Variants in DTNBP1 observed in about 807,000 individuals in gnomAD.
DTNBP1 encodes dysbindin.
In DTNBP1, 35 loss-of-function variants were observed where a neutral mutation model predicts 42.8. The ratio of observed to expected loss-of-function variants is 0.82; its 90% CI spans 0.63 to 1.09. The LOEUF is 1.09. Among genes scored for constraint, DTNBP1 ranks in the 50% least tolerant of loss-of-function variants. The probability of loss-of-function intolerance (pLI) is 0.00; values close to 1 mark genes in which losing one functional copy is unlikely to be tolerated. For missense variants in DTNBP1, 457 were observed against 424.2 expected, an observed-to-expected ratio of 1.08 and a Z score of -0.68; for synonymous variants, 171 against 162.2, an observed-to-expected ratio of 1.05 and a Z score of -0.41.
intron 7 of DTNBP1, among the ~76,000 whole-genome samples, chr6:15,540,467 GAT>G (rs1310347117): frequency 6.6e-6 from 1 of 152,124 alleles, no homozygotes; most frequent in African/African-American, 2.4e-5. Flanking sequence ...ATTTTCTGTA[GAT>G]ATATAACATA....
intron 7 of DTNBP1, among the ~76,000 whole-genome samples, chr6:15,581,971 G>A (rs1775860797): frequency 6.6e-6 from 1 of 152,048 alleles, no homozygotes; most frequent in Non-Finnish European, 1.5e-5. Context: ...TCTTTCCAGG[G>A]TTCTGCAGCA....
chr6:15,617,561 A>G (rs1286284009), intron 5 of DTNBP1, among the ~76,000 whole-genome samples: 2 of 152,188 alleles, frequency 1.3e-5, no homozygotes, highest in African/African-American at 2.4e-5. Context: ...AAAACCCACA[A>G]ATAAATCCAC....
chr6:15,609,544 C>T (rs1758278580), intron 6 of DTNBP1, among the ~76,000 whole-genome samples: 1 of 152,198 alleles, frequency 6.6e-6, no homozygotes, highest in South Asian at 2.1e-4. Flanking sequence ...TGGTCTCTAT[C>T]TCCTGACCTC....
intron 7 of DTNBP1, among the ~76,000 whole-genome samples, chr6:15,543,916 C>T (rs959667585): frequency 1.3e-5 from 2 of 152,194 alleles, no homozygotes; most frequent in African/African-American, 4.8e-5. Flanking sequence ...TAGGAGCTAG[C>T]GGCATTAGGA....
At chr6:15,626,110 C>T (rs1759329903) in intron 5 of DTNBP1, among the ~76,000 whole-genome samples, 1 of 152,182 alleles carries the variant, frequency 6.6e-6, no homozygotes, top group South Asian at 2.1e-4. Context: ...CATCCTACTG[C>T]CTCATACTGA....
chr6:15,627,341 A>T lies in DTNBP1; in HGVS notation c.355+2T>A, dbSNP rs1270121407. On this transcript the variant is annotated splice_donor_variant, in intron 5 of 9. Transcript: ENST00000344537. LOFTEE classifies it high-confidence loss of function. Reference sequence around the variant, plus strand: ...AATGTACAATGAAAACATTGGACTTACTCAGATTTGCTGTCATGGATTCTA... The same window carrying T: ...AATGTACAATGAAAACATTGGACTTTCTCAGATTTGCTGTCATGGATTCTA... 6.2e-7 allele frequency: 1 copy of T among 1,613,344 alleles called. No individual in the cohort carries two copies. The highest frequency in any genetic ancestry group is 8.5e-7 in the Non-Finnish European group (1 of 1,179,832).
chr6:15,525,137 G>A lies in DTNBP1; in HGVS notation c.668-468C>T, dbSNP rs540125033. ...CCTTGGAACATTTCTCGGGCCTAAC[G>A]GCAGAAGGGGTTTGACCTACATCTG... On this transcript the variant is annotated intron_variant, in intron 8 of 9. Transcript: ENST00000344537. 2.8e-4 allele frequency among the ~76,000 whole-genome samples: 43 copies of A among 152,318 alleles called. 2 individuals carry two copies. Among genetic ancestry groups the A allele is most frequent in the Middle Eastern group, 3.4e-3 (1 of 294 alleles).
At chr6:15,540,081 C>T (rs147735138) in intron 7 of DTNBP1, among the ~76,000 whole-genome samples, 1 of 152,236 alleles carries the variant, frequency 6.6e-6, no homozygotes, top group South Asian at 2.1e-4. Context: ...TACCAAGAAC[C>T]AGGACTCACT....
chr6:15,538,205 C>T (rs875462), intron 7 of DTNBP1, among the ~76,000 whole-genome samples: 123,544 of 152,114 alleles, frequency 0.81, 50,632 homozygotes, highest in East Asian at 1. Context: ...GTGAAGGGCA[C>T]TGGGCCTTCT....
chr6:15,567,767 G>T (rs1374770439), intron 7 of DTNBP1, among the ~76,000 whole-genome samples: 2 of 152,088 alleles, frequency 1.3e-5, no homozygotes, highest in African/African-American at 4.8e-5. Context: ...TCAGGCCACG[G>T]TCACTCATAT....
At chr6:15,652,174 A>T (rs1448489108) in intron 1 of DTNBP1, 34 bp from the exon 2 acceptor site, 5 of 1,492,150 alleles carry the variant, frequency 3.4e-6, no homozygotes, top group Non-Finnish European at 4.6e-6. Flanking sequence ...TATTTTTACA[A>T]GTCAAGAGAT....
chr6:15,630,686 G>A (rs7776332), intron 4 of DTNBP1, among the ~76,000 whole-genome samples: 8,878 of 152,280 alleles, frequency 0.058, 399 homozygotes, highest in African/African-American at 0.12. Flanking sequence ...GGGAGGCTGA[G>A]GCTGGCGGAT....
chr6:15,583,305 G>A (rs1561973892), intron 7 of DTNBP1, among the ~76,000 whole-genome samples: 1 of 152,112 alleles, frequency 6.6e-6, no homozygotes. Context: ...TTATGCTATA[G>A]GCATACCTTT....
chr6:15,610,170 C>G (rs192782697), intron 6 of DTNBP1, among the ~76,000 whole-genome samples: 7 of 152,252 alleles, frequency 4.6e-5, no homozygotes, highest in African/African-American at 7.2e-5. Flanking sequence ...CCTGGCTAAG[C>G]GGAGGATCAA....
chr6:15,586,214 G>A (rs1776074168), intron 7 of DTNBP1, among the ~76,000 whole-genome samples: 1 of 152,048 alleles, frequency 6.6e-6, no homozygotes, highest in Non-Finnish European at 1.5e-5. Flanking sequence ...TAACACACAA[G>A]GCATCTATAA....
intron 5 of DTNBP1, among the ~76,000 whole-genome samples, chr6:15,615,726 C>G (rs972887517): frequency 6.6e-6 from 1 of 152,132 alleles, no homozygotes; most frequent in South Asian, 2.1e-4. Context: ...TGTGAATAAC[C>G]AATTTTCACA....
chr6:15,579,520 T>C (rs1274688503), intron 7 of DTNBP1, among the ~76,000 whole-genome samples: 10 of 152,196 alleles, frequency 6.6e-5, no homozygotes, highest in Admixed American at 6.5e-4. Flanking sequence ...TAAAAGTGGA[T>C]TTTGGCCAGG....
chr6:15,561,582 G>C (rs1774844314), intron 7 of DTNBP1, among the ~76,000 whole-genome samples: 1 of 152,176 alleles, frequency 6.6e-6, no homozygotes, highest in Non-Finnish European at 1.5e-5. Context: ...GCCTAAGGAA[G>C]AGAAGATGGA....
intron 4 of DTNBP1, among the ~76,000 whole-genome samples, chr6:15,635,953 A>G (rs1759988641): frequency 6.6e-6 from 1 of 152,170 alleles, no homozygotes. Flanking sequence ...TGCAGTATCT[A>G]CAGTCCTTTA....
Sources: allele counts gnomAD v4.1 joint callset (sites outside exome capture counted in the v4.1 genomes callset), GRCh38; gene constraint gnomAD v4.1.1; transcripts MANE v1.5; gene names NCBI Gene and HGNC (gene_info 2026-07-23, HGNC 2026-07-21).